JARID2: variants seen among roughly 807,000 people sequenced by gnomAD.
The protein encoded by JARID2 is protein Jumonji.
Under a neutral mutation model 125.6 loss-of-function variants are expected in JARID2, and 21 were observed. That is an observed-to-expected ratio of 0.17 (90% CI 0.12 to 0.24). The LOEUF is 0.24. JARID2 is among the 10% of genes least tolerant of loss of function. The pLI, the probability that JARID2 is intolerant of heterozygous loss-of-function variation, is 1.00. For synonymous variants in JARID2, 736 were observed against 661.6 expected, an observed-to-expected ratio of 1.11 and a Z score of -1.73; for missense variants, 1,303 against 1,639.6, an observed-to-expected ratio of 0.79 and a Z score of 3.55.
At chr6:15,295,643 C>T (rs1180920649) in intron 1 of JARID2, among the ~76,000 whole-genome samples, 1 of 152,076 alleles carries the variant, frequency 6.6e-6, no homozygotes, top group African/African-American at 2.4e-5. Flanking sequence ...TGAATAGGCC[C>T]TTTGCCACTT....
intron 1 of JARID2, among the ~76,000 whole-genome samples, chr6:15,249,237 G>A (rs781568584): frequency 6.6e-6 from 1 of 152,248 alleles, no homozygotes; most frequent in Non-Finnish European, 1.5e-5. Context: ...TTGAAGTCGT[G>A]TTAGGGGTGC....
chr6:15,331,410 G>A (rs906735772), intron 1 of JARID2, among the ~76,000 whole-genome samples: 1 of 151,588 alleles, frequency 6.6e-6, no homozygotes, highest in African/African-American at 2.4e-5. Flanking sequence ...CAGAAAGAGT[G>A]CCCTTAGAAG....
chr6:15,486,092 G>A (rs796546532), intron 5 of JARID2, among the ~76,000 whole-genome samples: 8 of 152,282 alleles, frequency 5.3e-5, no homozygotes, highest in African/African-American at 1.9e-4. Context: ...AACTCCCTCT[G>A]GCAGGATGAT....
chr6:15,504,504 G>A lies in JARID2; in HGVS notation c.2453G>A (p.Arg818Lys). 6.2e-7 allele frequency: 1 copy of A among 1,611,922 alleles called. No individual in the cohort carries two copies. The highest frequency in any genetic ancestry group is 8.5e-7 in the Non-Finnish European group (1 of 1,178,084). ...NDFHKCIYKG[R>K]SVSLTTFYRT... ...CTGTTTTTTGTTTTGTTTCAGGGAAGGTCTGTTTCTCTAACAACTTTTTAT... is the reference window on the plus strand; with the variant it reads ...CTGTTTTTTGTTTTGTTTCAGGGAAAGTCTGTTTCTCTAACAACTTTTTAT... Residue 818 changes from arginine (R) to lysine (K), a missense_variant, in exon 9 of 18, where the codon AGG becomes AAG. Transcript: ENST00000341776.
At chr6:15,413,023 G>GTT (rs1349875486) in intron 3 of JARID2, among the ~76,000 whole-genome samples, 4 of 68,036 alleles carry the variant, frequency 5.9e-5, no homozygotes, top group Admixed American at 3.9e-4. Context: ...TTTTTTTTTT[G>GTT]TTTTTTTTTT....
intron 8 of JARID2, 107 bp downstream of exon 8, chr6:15,501,516 G>A (rs571518533): frequency 2.9e-4 from 315 of 1,093,638 alleles, no homozygotes; most frequent in Non-Finnish European, 3.7e-4. Context: ...TGATTCCCTG[G>A]GGTGATGAGG....
chr6:15,510,959 G>C (rs969857442), intron 12 of JARID2, among the ~76,000 whole-genome samples: 1 of 152,254 alleles, frequency 6.6e-6, no homozygotes, highest in Non-Finnish European at 1.5e-5. Flanking sequence ...GGAGGCCGCA[G>C]TGTGTCTGGT....
chr6:15,271,398 G>T (rs1760290110), intron 1 of JARID2, among the ~76,000 whole-genome samples: 1 of 152,222 alleles, frequency 6.6e-6, no homozygotes, highest in African/African-American at 2.4e-5. Context: ...TGTTCTTGGT[G>T]CAGTGGTTCG....
intron 3 of JARID2, among the ~76,000 whole-genome samples, chr6:15,443,095 A>G (rs1191202776): frequency 6.6e-6 from 1 of 152,036 alleles, no homozygotes; most frequent in Non-Finnish European, 1.5e-5. Flanking sequence ...ATTAAAAAAA[A>G]AAAAGATTCA....
chr6:15,409,365 C>T lies in JARID2; in HGVS notation c.182-859C>T, dbSNP rs139950955. Among the ~76,000 whole-genome samples the T allele has an allele frequency of 1.1e-4, 17 of 152,244 alleles. No homozygotes were observed. In the South Asian group the frequency reaches 1.9e-3, roughly 17 times the overall value. ...GCTCCTGCCCAGTTCTGGTTGCCTT[C>T]GAGGGTTGTGACTAGATAGTGGACA... is the stretch of plus-strand genomic sequence containing the variant. On this transcript the variant is annotated intron_variant, in intron 2 of 17. Transcript: ENST00000341776.
At chr6:15,472,643 A>AC (rs906822934) in intron 5 of JARID2, among the ~76,000 whole-genome samples, 1 of 152,156 alleles carries the variant, frequency 6.6e-6, no homozygotes, top group African/African-American at 2.4e-5. Flanking sequence ...GTTTGCCTGC[A>AC]CCTGAACTTC....
At chr6:15,462,379 T>C (rs753933982) in intron 4 of JARID2, among the ~76,000 whole-genome samples, 5 of 152,240 alleles carry the variant, frequency 3.3e-5, no homozygotes, top group Non-Finnish European at 5.9e-5. Flanking sequence ...GTTTACATGT[T>C]GTGCATGCAT....
chr6:15,440,282 T>G (rs1767391283), intron 3 of JARID2, among the ~76,000 whole-genome samples: 1 of 152,236 alleles, frequency 6.6e-6, no homozygotes. Flanking sequence ...AGCGGACTGG[T>G]CCTTGGCTGA....
intron 5 of JARID2, among the ~76,000 whole-genome samples, chr6:15,478,452 C>T (rs900136637): frequency 6.6e-6 from 1 of 151,770 alleles, no homozygotes; most frequent in Non-Finnish European, 1.5e-5. Context: ...AATGTTTTTA[C>T]TTTGAAAATG....
intron 1 of JARID2, among the ~76,000 whole-genome samples, chr6:15,311,416 A>G (rs1260541762): frequency 6.6e-6 from 1 of 152,182 alleles, no homozygotes; most frequent in African/African-American, 2.4e-5. Context: ...CATCTCTACT[A>G]AAAATACAAA....
chr6:15,450,619 A>T (rs145463543), intron 3 of JARID2, among the ~76,000 whole-genome samples: 353 of 152,178 alleles, frequency 2.3e-3, no homozygotes, highest in Middle Eastern at 6.8e-3. Context: ...CCCTCAAAGA[A>T]TGTTTTTCAA....
At chr6:15,346,608 G>T (rs1763252367) in intron 1 of JARID2, among the ~76,000 whole-genome samples, 1 of 152,130 alleles carries the variant, frequency 6.6e-6, no homozygotes, top group Non-Finnish European at 1.5e-5. Context: ...TGGGAGAGGG[G>T]ATGTGGAGCC....
At chr6:15,467,447 T>C (rs1768793445) in intron 4 of JARID2, among the ~76,000 whole-genome samples, 1 of 152,172 alleles carries the variant, frequency 6.6e-6, no homozygotes, top group Admixed American at 6.5e-5. Context: ...TTTAGAAGCC[T>C]CTGGTTCCAA....
At chr6:15,398,200 C>T (rs781520604) in intron 2 of JARID2, among the ~76,000 whole-genome samples, 4 of 152,116 alleles carry the variant, frequency 2.6e-5, no homozygotes, top group Admixed American at 6.6e-5. Flanking sequence ...GGTTTGGCAG[C>T]GGGTTCACAG....
Sources: allele counts gnomAD v4.1 joint callset (sites outside exome capture counted in the v4.1 genomes callset), GRCh38; gene constraint gnomAD v4.1.1; transcripts MANE v1.5; gene names NCBI Gene and HGNC (gene_info 2026-07-23, HGNC 2026-07-21).